MGLL: variants seen among roughly 807,000 people sequenced by gnomAD.
The protein encoded by MGLL is monoglyceride lipase.
MGLL carries 7 observed loss-of-function variants against 29.1 expected under a neutral mutation model. The observed-to-expected ratio is 0.24, with a 90% CI of 0.14 to 0.45. The LOEUF (loss-of-function observed/expected upper bound fraction) is 0.45. Ranked by LOEUF, MGLL falls within the 20% of genes least tolerant of loss-of-function variation. MGLL has a pLI of 0.99. For missense variants in MGLL, 356 were observed against 413.6 expected (o/e 0.86, Z 1.21); for synonymous variants, 148 against 168.3 (o/e 0.88, Z 0.93).
intron 3 of MGLL, among the ~76,000 whole-genome samples, chr3:127,760,700 T>C (rs895730679): frequency 3.3e-5 from 5 of 152,218 alleles, no homozygotes; most frequent in Non-Finnish European, 7.3e-5. Context: ...ACAGCACTGA[T>C]TGGGGGGCGC....
chr3:127,767,556 C>T (rs182849523), intron 3 of MGLL, among the ~76,000 whole-genome samples: 7 of 152,054 alleles, frequency 4.6e-5, no homozygotes, highest in African/African-American at 9.7e-5. Context: ...GGTAGGCACT[C>T]GATGAATCTT....
intron 2 of MGLL, among the ~76,000 whole-genome samples, chr3:127,821,290 C>G (rs547146682): frequency 2.6e-5 from 4 of 152,286 alleles, no homozygotes; most frequent in African/African-American, 7.2e-5. Flanking sequence ...CAGAAACAAG[C>G]AGGAAAAGTG....
intron 6 of MGLL, among the ~76,000 whole-genome samples, chr3:127,695,944 AAC>A (rs1258065341): frequency 2.0e-5 from 3 of 152,202 alleles, no homozygotes; most frequent in Admixed American, 2.0e-4. Flanking sequence ...AAACTGCAGG[AAC>A]AGTTTACTGG....
intron 2 of MGLL, among the ~76,000 whole-genome samples, chr3:127,788,046 C>A (rs2077243109): frequency 6.6e-6 from 1 of 152,136 alleles, no homozygotes; most frequent in South Asian, 2.1e-4. Flanking sequence ...AGAACAGAGC[C>A]AGTGAAGGAG....
intron 3 of MGLL, among the ~76,000 whole-genome samples, chr3:127,744,049 T>A (rs1026148335): frequency 1.3e-5 from 2 of 152,098 alleles, no homozygotes; most frequent in Admixed American, 1.3e-4. Context: ...CTTTACTAAT[T>A]GACAACAGCT....
At chr3:127,735,234 G>A (rs905749597) in intron 3 of MGLL, among the ~76,000 whole-genome samples, 1 of 152,150 alleles carries the variant, frequency 6.6e-6, no homozygotes, top group African/African-American at 2.4e-5. Context: ...AACCCCCTTG[G>A]GAAAACAATT....
At chr3:127,765,291 T>C (rs373511383) in intron 3 of MGLL, among the ~76,000 whole-genome samples, 1 of 152,236 alleles carries the variant, frequency 6.6e-6, no homozygotes, top group East Asian at 1.9e-4. Flanking sequence ...GTCTGTTTTC[T>C]TCTCACCAGG....
At chr3:127,804,453 T>C (rs1382656896) in intron 2 of MGLL, among the ~76,000 whole-genome samples, 2 of 152,216 alleles carry the variant, frequency 1.3e-5, no homozygotes, top group African/African-American at 4.8e-5. Flanking sequence ...ACTCCTGCCA[T>C]GGCCACCTAC....
chr3:127,697,682 A>AC (rs1468432075), intron 6 of MGLL, among the ~76,000 whole-genome samples: 1 of 152,164 alleles, frequency 6.6e-6, no homozygotes, highest in African/African-American at 2.4e-5. Flanking sequence ...TTCTGGGTTG[A>AC]CGGCTTATTT....
chr3:127,805,128 T>C (rs2077543196), intron 2 of MGLL, among the ~76,000 whole-genome samples: 1 of 152,254 alleles, frequency 6.6e-6, no homozygotes, highest in Admixed American at 6.5e-5. Context: ...AGTGGTTTCC[T>C]GATCTTCTAT....
chr3:127,778,338 A>C (rs1379333799), intron 3 of MGLL, among the ~76,000 whole-genome samples: 1 of 152,242 alleles, frequency 6.6e-6, no homozygotes, highest in Non-Finnish European at 1.5e-5. Context: ...ACACGGGGAC[A>C]AGAACCCCCT....
chr3:127,725,575 C>T (rs538708380), intron 3 of MGLL, among the ~76,000 whole-genome samples: 101 of 152,268 alleles, frequency 6.6e-4, no homozygotes, highest in African/African-American at 2.2e-3. Context: ...TCACTTGACA[C>T]CATATCCTGA....
Position 127,737,627 on chromosome 3 carries a change from C to T in MGLL, c.263-15061G>A, listed in dbSNP as rs571867087. 2.4e-3 allele frequency among the ~76,000 whole-genome samples: 189 copies of T among 80,062 alleles called. 2 individuals are homozygous for T. The highest frequency in any genetic ancestry group is 0.013 in the African/African-American group (176 of 13,286). The allele number at this position is 80,062 out of a possible 152,430, so 52.5% of individuals were successfully genotyped here. A position where few individuals can be genotyped will look rare whatever the true frequency, so the allele number is the denominator to read the frequency against. ...CAGGACACAGTGAAATCATCAACTG[C>T]TTCTTTTTTTTTTTTTTTTTTTTTT... On this transcript the variant is annotated intron_variant, in intron 3 of 7. Transcript: ENST00000265052.
intron 3 of MGLL, among the ~76,000 whole-genome samples, chr3:127,768,904 A>G (rs765173628): frequency 3.9e-5 from 6 of 152,240 alleles, no homozygotes; most frequent in Non-Finnish European, 2.9e-5. Flanking sequence ...CACTTCCTGC[A>G]AATCCCTGGG....
intron 6 of MGLL, among the ~76,000 whole-genome samples, chr3:127,696,419 T>TTTTTTTTTTTTTG: frequency 9.5e-6 from 1 of 105,232 alleles, no homozygotes; most frequent in Non-Finnish European, 1.8e-5. Flanking sequence ...TTTTTTTTTT[T>TTTTTTTTTTTTTG]TTTTTTTTTT....
intron 2 of MGLL, among the ~76,000 whole-genome samples, chr3:127,814,183 C>T (rs191832086): frequency 1.7e-4 from 26 of 152,246 alleles, no homozygotes; most frequent in African/African-American, 5.3e-4. Flanking sequence ...AGCATTAGCC[C>T]GGGAGAGAGG....
chr3:127,702,966 A>T (rs2075525712), intron 6 of MGLL, among the ~76,000 whole-genome samples: 1 of 152,144 alleles, frequency 6.6e-6, no homozygotes, highest in South Asian at 2.1e-4. Flanking sequence ...AATTGCTGGG[A>T]TTACAGGCAT....
intron 7 of MGLL, among the ~76,000 whole-genome samples, chr3:127,692,860 A>T (rs1448910966): frequency 6.6e-6 from 1 of 151,892 alleles, no homozygotes; most frequent in Non-Finnish European, 1.5e-5. Flanking sequence ...TTTTCTTTCA[A>T]CCTAGCCGGC....
intron 3 of MGLL, among the ~76,000 whole-genome samples, chr3:127,750,765 A>G (rs2076543508): frequency 1.3e-5 from 2 of 152,182 alleles, no homozygotes; most frequent in Non-Finnish European, 2.9e-5. Flanking sequence ...GTATTTTGTC[A>G]TGAGGGGAAA....
Sources: allele counts gnomAD v4.1 joint callset (sites outside exome capture counted in the v4.1 genomes callset), GRCh38; gene constraint gnomAD v4.1.1; transcripts MANE v1.5; gene names NCBI Gene and HGNC (gene_info 2026-07-23, HGNC 2026-07-21).